Variants in ULK4 observed in about 807,000 individuals in gnomAD.
ULK4 encodes inactive serine/threonine-protein kinase ULK4.
A neutral mutation model predicts 160.6 loss-of-function variants in ULK4; 133 were observed. That is an observed-to-expected ratio of 0.83 (90% CI 0.72 to 0.96). The LOEUF is 0.96. ULK4 is among the 40% of genes least tolerant of loss of function. The pLI, the probability that ULK4 is intolerant of heterozygous loss-of-function variation, is 0.00. For missense variants in ULK4, 1,580 were observed against 1,499.5 expected, an observed-to-expected ratio of 1.05 and a Z score of -0.89; for synonymous variants, 534 against 539.8, an observed-to-expected ratio of 0.99 and a Z score of 0.15.
At chr3:41,744,038 T>C (rs563636145) in intron 22 of ULK4, among the ~76,000 whole-genome samples, 21 of 151,930 alleles carry the variant, frequency 1.4e-4, no homozygotes, top group Admixed American at 1.3e-3. Context: ...AAGTTATGTA[T>C]GTATATTGCA....
intron 17 of ULK4, among the ~76,000 whole-genome samples, chr3:41,881,284 T>TAAAAAAAAAAAA (rs58977381): frequency 7.9e-6 from 1 of 126,280 alleles, no homozygotes; most frequent in African/African-American, 3.6e-5. Context: ...CAGAAACTTC[T>TAAAAAAAAAAAA]AAAAAAAAAA....
chr3:41,421,864 C>A (rs952970589), intron 34 of ULK4, among the ~76,000 whole-genome samples: 1 of 152,218 alleles, frequency 6.6e-6, no homozygotes, highest in East Asian at 1.9e-4. Context: ...TGAATGCACA[C>A]GTAAAACCAT....
intron 30 of ULK4, among the ~76,000 whole-genome samples, chr3:41,660,769 A>G (rs1352084154): frequency 1.3e-5 from 2 of 152,238 alleles, no homozygotes; most frequent in East Asian, 1.9e-4. Flanking sequence ...AAGAAAAGCC[A>G]AACAGAATCC....
At chr3:41,642,789 G>A (rs371883093) in intron 30 of ULK4, among the ~76,000 whole-genome samples, 10 of 152,148 alleles carry the variant, frequency 6.6e-5, no homozygotes, top group African/African-American at 1.2e-4. Context: ...TGGTTGAACT[G>A]GTTTACAGTC....
chr3:41,942,733 C>A (rs1380728032), intron 2 of ULK4, among the ~76,000 whole-genome samples: 8 of 152,030 alleles, frequency 5.3e-5, no homozygotes, highest in Non-Finnish European at 2.9e-5. Context: ...AGGAGAATCG[C>A]TTGAACCCGG....
chr3:41,559,666 A>C (rs1297640180), intron 32 of ULK4, among the ~76,000 whole-genome samples: 1 of 152,096 alleles, frequency 6.6e-6, no homozygotes, highest in African/African-American at 2.4e-5. Flanking sequence ...TGGCTGCATA[A>C]ATGTCTTCTT....
At chr3:41,586,733 A>G (rs2030837085) in intron 31 of ULK4, among the ~76,000 whole-genome samples, 1 of 152,190 alleles carries the variant, frequency 6.6e-6, no homozygotes, top group Admixed American at 6.5e-5. Flanking sequence ...AGTCTGTGGG[A>G]AGAACTGCAG....
At chr3:41,695,872 A>G (rs1157920033) in intron 27 of ULK4, among the ~76,000 whole-genome samples, 1 of 152,194 alleles carries the variant, frequency 6.6e-6, no homozygotes, top group Non-Finnish European at 1.5e-5. Flanking sequence ...CTATAATCAT[A>G]ACCTAGGAAA....
chr3:41,622,436 T>C (rs7648139), intron 30 of ULK4, among the ~76,000 whole-genome samples: 66,518 of 151,992 alleles, frequency 0.44, 17,588 homozygotes, highest in African/African-American at 0.75. Flanking sequence ...AGTAGGAGTT[T>C]GTGTCCTTTG....
intron 30 of ULK4, among the ~76,000 whole-genome samples, chr3:41,642,154 G>A (rs371885151): frequency 9.2e-5 from 14 of 152,118 alleles, no homozygotes; most frequent in African/African-American, 2.9e-4. Flanking sequence ...GATTACAGGC[G>A]TGACCCACTG....
At chr3:41,386,399 A>T (rs920546902) in intron 35 of ULK4, among the ~76,000 whole-genome samples, 1 of 152,110 alleles carries the variant, frequency 6.6e-6, no homozygotes, top group African/African-American at 2.4e-5. Context: ...CTCTACTTCT[A>T]CTGAAGGTAC....
chr3:41,466,874 A>G (rs908722577), intron 32 of ULK4, among the ~76,000 whole-genome samples: 4 of 152,176 alleles, frequency 2.6e-5, no homozygotes, highest in African/African-American at 9.6e-5. Flanking sequence ...TACAAATAAT[A>G]CAATTTTTAA....
rs142878462 is a variant in ULK4, at chr3:41,891,545, G to A, written c.1577+3973C>T. Among the ~76,000 whole-genome samples, 988 of 151,260 alleles carry A rather than the reference G, an allele frequency of 6.5e-3. 10 individuals carry two copies. The highest frequency in any genetic ancestry group is 0.023 in the African/African-American group (954 of 41,240). ...CCTACAGAACTACAGTTAGTACAAG[G>A]AAGAGAGCTCAAACTCCAAAGCATG... On this transcript the variant is annotated intron_variant, in intron 16 of 36. Coordinates refer to ENST00000301831, the MANE Select transcript of ULK4 (RefSeq NM_017886.4).
At chr3:41,517,144 G>A (rs990223450) in intron 32 of ULK4, among the ~76,000 whole-genome samples, 7 of 152,104 alleles carry the variant, frequency 4.6e-5, no homozygotes, top group African/African-American at 7.2e-5. Flanking sequence ...TATGTCATTA[G>A]GGAATTACAA....
chr3:41,715,303 G>A lies in ULK4; in HGVS notation c.2578-10C>T. On this transcript the variant is annotated splice_polypyrimidine_tract_variant and intron_variant, in intron 24 of 36. Coordinates refer to ENST00000301831, the MANE Select transcript of ULK4 (RefSeq NM_017886.4). ...CTTGAGGTCGAAATACCTGTGTGATGAGAGTTTCTACAGATTAAATTCTGG... is the reference window on the plus strand; with the variant it reads ...CTTGAGGTCGAAATACCTGTGTGATAAGAGTTTCTACAGATTAAATTCTGG... The A allele has an allele frequency of 6.2e-7, 1 of 1,613,816 alleles. No homozygotes were observed. The highest frequency in any genetic ancestry group is 8.5e-7 in the Non-Finnish European group (1 of 1,179,962).
At chr3:41,896,262 T>C (rs1251271643) in intron 15 of ULK4, among the ~76,000 whole-genome samples, 1 of 152,146 alleles carries the variant, frequency 6.6e-6, no homozygotes, top group African/African-American at 2.4e-5. Context: ...TTTTTTTATT[T>C]TTATTTTTTG....
At chr3:41,854,277 AC>A (rs1046308732) in intron 17 of ULK4, 1 of 152,262 alleles carries the variant, frequency 6.6e-6, no homozygotes, top group Non-Finnish European at 1.5e-5. Context: ...CATCCCTCTT[AC>A]GTGACCCTGG....
At chr3:41,453,337 G>A (rs541125821) in intron 34 of ULK4, among the ~76,000 whole-genome samples, 19 of 152,084 alleles carry the variant, frequency 1.2e-4, no homozygotes, top group African/African-American at 4.6e-4. Context: ...CACCACACCT[G>A]GCCAAATTTT....
intron 18 of ULK4, among the ~76,000 whole-genome samples, chr3:41,830,325 A>C (rs1438754712): frequency 6.6e-6 from 1 of 152,068 alleles, no homozygotes; most frequent in Non-Finnish European, 1.5e-5. Flanking sequence ...AAGGAAAATT[A>C]CTCTCTATAT....
Sources: gnomAD v4.1 joint callset for allele counts (sites outside exome capture counted in the v4.1 genomes callset) on GRCh38, gnomAD v4.1.1 for gene constraint, MANE v1.5 for transcripts, NCBI Gene and HGNC (gene_info 2026-07-23, HGNC 2026-07-21) for gene names.